The following BCL7C variants were observed in gnomAD, a reference collection of about 807,000 sequenced individuals.
The protein encoded by BCL7C is B-cell CLL/lymphoma 7 protein family member C.
BCL7C carries 8 observed loss-of-function variants against 26.2 expected under a neutral mutation model. That is an observed-to-expected ratio of 0.30 (90% CI 0.18 to 0.55). The LOEUF is 0.55. Ranked by LOEUF, BCL7C falls within the 20% of genes least tolerant of loss-of-function variation. BCL7C has a pLI of 0.93. For missense variants in BCL7C, 262 were observed against 298.5 expected (o/e 0.88, Z 0.90); for synonymous variants, 90 against 116.5 (o/e 0.77, Z 1.47).
intron 5 of BCL7C, among the ~76,000 whole-genome samples, chr16:30,841,715 G>C (rs574585613): frequency 6.6e-6 from 1 of 151,686 alleles, no homozygotes; most frequent in African/African-American, 2.4e-5. Context: ...CAGCACTTTG[G>C]GAGATTGAGG....
chr16:30,880,620 T>C (rs2055028828), intron 5 of BCL7C, among the ~76,000 whole-genome samples: 1 of 152,120 alleles, frequency 6.6e-6, no homozygotes, highest in Admixed American at 6.5e-5. Flanking sequence ...GGGAACTTTC[T>C]GGCAAGTGAT....
At chr16:30,856,580 CG>C (rs1465048586) in intron 5 of BCL7C, among the ~76,000 whole-genome samples, 1 of 152,110 alleles carries the variant, frequency 6.6e-6, no homozygotes, top group Non-Finnish European at 1.5e-5. Context: ...CTGTATTCTA[CG>C]TTGTGCAGCC....
intron 5 of BCL7C, among the ~76,000 whole-genome samples, chr16:30,843,065 C>T (rs568399286): frequency 6.6e-5 from 10 of 152,362 alleles, no homozygotes; most frequent in African/African-American, 2.4e-4. Flanking sequence ...CCAGCCAAAT[C>T]ATGAGCAACT....
At chr16:30,853,848 C>T (rs1231008122) in intron 5 of BCL7C, among the ~76,000 whole-genome samples, 1 of 152,202 alleles carries the variant, frequency 6.6e-6, no homozygotes, top group Non-Finnish European at 1.5e-5. Flanking sequence ...TCCTCATCCA[C>T]ACCCAGGTTA....
At position 30,863,459 on chromosome 16, in the gene BCL7C, A is replaced by T. The variant is rs140005356; in HGVS notation, c.528+25401T>A. 1.2e-4 allele frequency among the ~76,000 whole-genome samples: 19 copies of T among 152,294 alleles called. No homozygotes were observed. The East Asian group carries it at 3.7e-3, about 29-fold the overall frequency. ...ACTACACAAGGGTCCTCCATCATTA[A>T]TCTGTCTTTAATAAAAACTCTTCTC... is the stretch of plus-strand genomic sequence containing the variant. On this transcript the variant is annotated intron_variant, in intron 5 of 5. Transcript: ENST00000380317.
chr16:30,840,887 A>G lies in BCL7C; in HGVS notation c.529-5739T>C, dbSNP rs577037039. The G allele has an allele frequency of 1.1e-4, 17 of 152,324 alleles. No individual in the cohort carries two copies. The East Asian group carries it at 3.3e-3, about 29-fold the overall frequency. 9.4% of individuals were successfully genotyped at this position (152,324 alleles called of 1,614,324 possible). The stretch of plus-strand genomic sequence containing the variant: ...AACAGCATGGAGGTAACTGCCCCCT[A>G]TGATTCAATTACCTCTCACTGGGTT... On this transcript the variant is annotated intron_variant, in intron 5 of 5. Transcript: ENST00000380317.
chr16:30,859,729 T>C (rs1232644060), intron 5 of BCL7C, among the ~76,000 whole-genome samples: 1 of 152,224 alleles, frequency 6.6e-6, no homozygotes, highest in African/African-American at 2.4e-5. Context: ...TTTGTACACC[T>C]ATCCCAAACC....
At chr16:30,874,232 G>C (rs1372341170) in intron 5 of BCL7C, among the ~76,000 whole-genome samples, 1 of 151,998 alleles carries the variant, frequency 6.6e-6, no homozygotes, top group Non-Finnish European at 1.5e-5. Context: ...CTGACCTCAA[G>C]TGATCTGCCC....
intron 5 of BCL7C, among the ~76,000 whole-genome samples, chr16:30,852,745 GC>G (rs2054686863): frequency 6.6e-6 from 1 of 151,756 alleles, no homozygotes; most frequent in African/African-American, 2.4e-5. Flanking sequence ...ACCCGCCTTG[GC>G]CTCCCAAAGT....
intron 5 of BCL7C, among the ~76,000 whole-genome samples, chr16:30,850,911 T>C (rs952288413): frequency 2.6e-5 from 4 of 152,212 alleles, no homozygotes. Context: ...ATAAATTAAT[T>C]TTAGCTAAGT....
chr16:30,891,377 G>A (rs2055231841), intron 4 of BCL7C, among the ~76,000 whole-genome samples: 1 of 151,884 alleles, frequency 6.6e-6, no homozygotes, highest in Non-Finnish European at 1.5e-5. Context: ...CAGGAGAATT[G>A]CCTGAACCCA....
chr16:30,879,689 C>CAAGAAAAAAAAAAAAAAAAA (rs2055008236), intron 5 of BCL7C, among the ~76,000 whole-genome samples: 1 of 29,406 alleles, frequency 3.4e-5, no homozygotes, highest in Non-Finnish European at 5.9e-5. Context: ...CCCTTCTCTA[C>CAAGAAAAAAAAAAAAAAAAA]AAAAAAAAAA....
At chr16:30,842,316 A>G (rs2054607598) in intron 5 of BCL7C, among the ~76,000 whole-genome samples, 1 of 152,180 alleles carries the variant, frequency 6.6e-6, no homozygotes, top group Non-Finnish European at 1.5e-5. Context: ...CTCCAGAACT[A>G]TGAGAAAATA....
chr16:30,857,971 C>T (rs1323262732), intron 5 of BCL7C, among the ~76,000 whole-genome samples: 1 of 58,658 alleles, frequency 1.7e-5, no homozygotes, highest in African/African-American at 7.0e-5. Context: ...AACTCCAACT[C>T]CAAAAAAAAA....
Position 30,865,490 on chromosome 16 carries a change from A to G in BCL7C, c.528+23370T>C, listed in dbSNP as rs569182363. Among the ~76,000 whole-genome samples, 10 of 152,174 alleles carry G rather than the reference A, an allele frequency of 6.6e-5. No individual in the cohort carries two copies. The South Asian group carries it at 2.1e-3, about 32-fold the overall frequency. ...CTACTTGGGTGGCTGAGGCAGAAGG[A>G]TCCCTTGAGCTCTGGAGTTTGAGGT... On this transcript the variant is annotated intron_variant, in intron 5 of 5. Coordinates refer to the BCL7C transcript ENST00000380317.
At chr16:30,853,833 T>C (rs929952695) in intron 5 of BCL7C, among the ~76,000 whole-genome samples, 1 of 152,166 alleles carries the variant, frequency 6.6e-6, no homozygotes, top group Non-Finnish European at 1.5e-5. Context: ...CGCTCTACCA[T>C]GTCATCCTCA....
chr16:30,866,427 A>T (rs1354598146), intron 5 of BCL7C, among the ~76,000 whole-genome samples: 1 of 152,034 alleles, frequency 6.6e-6, no homozygotes, highest in Non-Finnish European at 1.5e-5. Context: ...AAATACAAAA[A>T]TTAGCCAGGC....
chr16:30,862,393 C>T (rs1346092445), intron 5 of BCL7C, among the ~76,000 whole-genome samples: 1 of 152,210 alleles, frequency 6.6e-6, no homozygotes, highest in Admixed American at 6.5e-5. Context: ...GTCTCAGCAA[C>T]TTACCTGGGC....
intron 5 of BCL7C, among the ~76,000 whole-genome samples, chr16:30,849,944 C>T (rs1177125013): frequency 1.3e-5 from 2 of 151,856 alleles, no homozygotes; most frequent in Non-Finnish European, 2.9e-5. Flanking sequence ...GCCTTCCAGG[C>T]TGGGCGTGGT....
Sources: allele counts gnomAD v4.1 joint callset (sites outside exome capture counted in the v4.1 genomes callset), GRCh38; gene constraint gnomAD v4.1.1; transcripts MANE v1.5; gene names NCBI Gene and HGNC (gene_info 2026-07-23, HGNC 2026-07-21).